Variants in GALNTL5 observed in about 807,000 individuals in gnomAD.
The protein encoded by GALNTL5 is polypeptide N-acetylgalactosaminyltransferase like 5, also known as inactive polypeptide N-acetylgalactosaminyltransferase-like protein 5.
GALNTL5 carries 44 observed loss-of-function variants against 51.0 expected under a neutral mutation model. The ratio of observed to expected loss-of-function variants is 0.86; its 90% CI spans 0.68 to 1.11. GALNTL5 has a LOEUF of 1.11. GALNTL5 is among the 50% of genes least tolerant of loss of function. GALNTL5 has a pLI of 0.00. For synonymous variants in GALNTL5, 192 were observed against 182.8 expected, an observed-to-expected ratio of 1.05 and a Z score of -0.41; for missense variants, 528 against 531.8, an observed-to-expected ratio of 0.99 and a Z score of 0.07.
At chr7:151,984,148 A>G (rs1418531876) in intron 4 of GALNTL5, 2 of 152,238 alleles carry the variant, frequency 1.3e-5, no homozygotes, top group Non-Finnish European at 2.9e-5. Context: ...ATGCAGGAAA[A>G]TGAGATGATC....
intron 5 of GALNTL5, among the ~76,000 whole-genome samples, chr7:152,001,101 C>CGG (rs2081573071): frequency 2.0e-5 from 3 of 150,122 alleles, no homozygotes; most frequent in Admixed American, 6.6e-5. Flanking sequence ...TTAATAGAGA[C>CGG]GGGGTTTCGC....
intron 5 of GALNTL5, among the ~76,000 whole-genome samples, chr7:151,989,300 G>A (rs545712597): frequency 1.0e-3 from 151 of 151,564 alleles, no homozygotes; most frequent in African/African-American, 3.1e-3. Context: ...ATAGGTGGGC[G>A]CCACCACACC....
At chr7:151,982,474 C>A (rs1362029133) in intron 3 of GALNTL5, among the ~76,000 whole-genome samples, 1 of 151,982 alleles carries the variant, frequency 6.6e-6, no homozygotes, top group Admixed American at 6.6e-5. Flanking sequence ...CAGAAGAAAT[C>A]CAATTAGACC....
At chr7:151,992,581 A>G (rs1208752118) in intron 5 of GALNTL5, among the ~76,000 whole-genome samples, 1 of 151,800 alleles carries the variant, frequency 6.6e-6, no homozygotes, top group African/African-American at 2.4e-5. Flanking sequence ...GTCTCCCCCA[A>G]CCGAATCTCA....
chr7:152,013,583 A>G lies in GALNTL5; in HGVS notation c.1027-1061A>G, dbSNP rs532907761. ...AGAGTGGTTAGAGTAATTAAACAAA[A>G]GAGTTATGGCAAGTATACTGTAAGA... On this transcript the variant is annotated intron_variant, in intron 7 of 8. Transcript: ENST00000392800. 7.7e-4 allele frequency among the ~76,000 whole-genome samples: 117 copies of G among 152,340 alleles called. 1 individual carries two copies. Among genetic ancestry groups the G allele is most frequent in the Non-Finnish European group, 1.3e-3 (87 of 68,018 alleles).
At chr7:151,995,509 G>GT (rs577920728) in intron 5 of GALNTL5, among the ~76,000 whole-genome samples, 17 of 150,036 alleles carry the variant, frequency 1.1e-4, no homozygotes, top group East Asian at 5.9e-4. Flanking sequence ...GAGAGAAGGA[G>GT]TTTTTTTTTC....
At chr7:151,963,626 C>T (rs1198444793) in intron 1 of GALNTL5, among the ~76,000 whole-genome samples, 1 of 152,046 alleles carries the variant, frequency 6.6e-6, no homozygotes, top group African/African-American at 2.4e-5. Flanking sequence ...TCCAACTCCT[C>T]ACCTCAAGTG....
chr7:151,971,033 C>T lies in GALNTL5; in HGVS notation c.336C>T (p.Ile112=). The change falls in exon 3 of 9, where the codon ATC becomes ATT. Residue 112 remains isoleucine, a synonymous_variant. Transcript: ENST00000392800. ...FNVIISRSLG[I]EREVPDTRSK... ...TGATTATCAGTAGAAGCTTGGGCAT[C>T]GAAAGAGAAGTGCCAGATACCAGGA... 2.5e-6 allele frequency: 4 copies of T among 1,611,174 alleles called. No individual in the cohort carries two copies. The highest frequency in any genetic ancestry group is 3.4e-6 in the Non-Finnish European group (4 of 1,178,044).
intron 7 of GALNTL5, among the ~76,000 whole-genome samples, chr7:152,011,580 T>G (rs1364548677): frequency 2.0e-5 from 3 of 152,204 alleles, no homozygotes; most frequent in Non-Finnish European, 4.4e-5. Flanking sequence ...CTCTCCCCCA[T>G]GCTGAACCTC....
At chr7:151,981,778 G>A (rs1049388608) in intron 3 of GALNTL5, among the ~76,000 whole-genome samples, 1 of 149,212 alleles carries the variant, frequency 6.7e-6, no homozygotes, top group Non-Finnish European at 1.5e-5. Flanking sequence ...CTCCTAAGTA[G>A]CTGGAACTAC....
intron 5 of GALNTL5, among the ~76,000 whole-genome samples, chr7:151,993,770 C>G (rs1382340696): frequency 2.6e-5 from 4 of 151,962 alleles, no homozygotes; most frequent in African/African-American, 9.7e-5. Context: ...AAGCAGGAGT[C>G]ACCACACCTG....
intron 7 of GALNTL5, among the ~76,000 whole-genome samples, chr7:152,009,180 G>A (rs1392474838): frequency 1.3e-5 from 2 of 152,184 alleles, no homozygotes; most frequent in African/African-American, 4.8e-5. Context: ...CTCTAACCAC[G>A]ACAAGTAACC....
At chr7:151,980,267 A>G (rs1441614689) in intron 3 of GALNTL5, among the ~76,000 whole-genome samples, 1 of 152,124 alleles carries the variant, frequency 6.6e-6, no homozygotes, top group Non-Finnish European at 1.5e-5. Context: ...TATTTTTAAT[A>G]GAGAAGGGGT....
chr7:151,982,953 G>A (rs767525242), intron 3 of GALNTL5, 33 bp from the exon 4 acceptor site: 3 of 1,613,650 alleles, frequency 1.9e-6, no homozygotes, highest in Non-Finnish European at 8.5e-7. Context: ...GCATTTAGAT[G>A]GATGGTTTTC....
intron 4 of GALNTL5, among the ~76,000 whole-genome samples, chr7:151,983,866 T>C (rs2081327953): frequency 6.6e-6 from 1 of 152,118 alleles, no homozygotes; most frequent in Non-Finnish European, 1.5e-5. Flanking sequence ...TTTTATGTAG[T>C]CTATGCATGA....
chr7:152,010,168 A>C (rs1014564843), intron 7 of GALNTL5, among the ~76,000 whole-genome samples: 2 of 151,456 alleles, frequency 1.3e-5, no homozygotes, highest in African/African-American at 4.9e-5. Flanking sequence ...GCTGGAGTGC[A>C]GTGGCACGAT....
intron 1 of GALNTL5, among the ~76,000 whole-genome samples, chr7:151,962,947 G>T (rs1020611963): frequency 1.3e-5 from 2 of 152,030 alleles, no homozygotes; most frequent in African/African-American, 4.8e-5. Context: ...ATTGCCATTT[G>T]CAATCCACAG....
intron 5 of GALNTL5, among the ~76,000 whole-genome samples, chr7:152,002,411 C>T (rs936449003): frequency 2.0e-5 from 3 of 152,108 alleles, no homozygotes; most frequent in East Asian, 3.8e-4. Context: ...CAGTCAAGAC[C>T]AAGCTAAAAT....
chr7:151,976,812 C>T (rs536427387), intron 3 of GALNTL5, among the ~76,000 whole-genome samples: 4 of 152,120 alleles, frequency 2.6e-5, no homozygotes, highest in Admixed American at 6.5e-5. Flanking sequence ...GGATTACAGG[C>T]GTGCACCACC....
Sources: allele counts gnomAD v4.1 joint callset (sites outside exome capture counted in the v4.1 genomes callset), GRCh38; gene constraint gnomAD v4.1.1; transcripts MANE v1.5; gene names NCBI Gene and HGNC (gene_info 2026-07-23, HGNC 2026-07-21).